Variants in UBE2D2 observed in about 807,000 individuals in gnomAD.
UBE2D2 encodes the protein ubiquitin conjugating enzyme E2 D2, also known as ubiquitin-conjugating enzyme E2 D2.
A neutral mutation model predicts 24.2 loss-of-function variants in UBE2D2; 2 were observed. The observed-to-expected ratio is 0.08, with a 90% confidence interval of 0.03 to 0.26. UBE2D2 has a LOEUF of 0.26. Among genes scored for constraint, UBE2D2 ranks in the 10% least tolerant of loss-of-function variants. The pLI, the probability that UBE2D2 is intolerant of heterozygous loss-of-function variation, is 1.00. For synonymous variants in UBE2D2, 58 were observed against 56.5 expected (o/e 1.03, Z -0.12); for missense variants, 44 against 177.6 (o/e 0.25, Z 4.28).
intron 1 of UBE2D2, among the ~76,000 whole-genome samples, chr5:139,535,552 C>T (rs920820814): frequency 6.6e-6 from 1 of 152,014 alleles, no homozygotes; most frequent in Non-Finnish European, 1.5e-5. Context: ...TTGCTTGAAC[C>T]CAGGAGGCAG....
rs1350037613 is a variant in UBE2D2, at chr5:139,627,869, G to A, written c.*1068G>A. ...AGTAATTTTATTGAACAAGTTAGAGGCATAAGCTTAAGAGCATTTCCATGA... is the reference window on the plus strand; with the variant it reads ...AGTAATTTTATTGAACAAGTTAGAGACATAAGCTTAAGAGCATTTCCATGA... On this transcript the variant is annotated 3_prime_UTR_variant, in exon 7 of 7. Coordinates refer to ENST00000398733, the MANE Select transcript of UBE2D2 (RefSeq NM_003339.3). The A allele has an allele frequency of 2.0e-5, 3 of 152,592 alleles. No homozygotes were observed. Among genetic ancestry groups the A allele is most frequent in the Admixed American group, 1.3e-4 (2 of 15,268 alleles). 9.5% of individuals were successfully genotyped at this position (152,592 alleles called of 1,614,324 possible).
chr5:139,592,205 A>G (rs1561513777), intron 1 of UBE2D2, among the ~76,000 whole-genome samples: 1 of 152,148 alleles, frequency 6.6e-6, no homozygotes, highest in Non-Finnish European at 1.5e-5. Flanking sequence ...CTGTCTTACA[A>G]AAAAAGAAAA....
chr5:139,595,613 G>T (rs1490332958), intron 1 of UBE2D2, among the ~76,000 whole-genome samples: 1 of 151,168 alleles, frequency 6.6e-6, no homozygotes, highest in Non-Finnish European at 1.5e-5. Flanking sequence ...CCTGACCTCA[G>T]GTGAGCCACT....
intron 1 of UBE2D2, among the ~76,000 whole-genome samples, chr5:139,572,070 C>A (rs1302045261): frequency 6.6e-6 from 1 of 152,162 alleles, no homozygotes; most frequent in African/African-American, 2.4e-5. Flanking sequence ...TGTTCTGGAA[C>A]TATTTAGTAA....
At chr5:139,543,270 G>C (rs1752781613) in intron 1 of UBE2D2, among the ~76,000 whole-genome samples, 1 of 152,136 alleles carries the variant, frequency 6.6e-6, no homozygotes, top group African/African-American at 2.4e-5. Context: ...AACTTTGTGT[G>C]ACACCCCTCC....
chr5:139,619,934 G>C (rs1272591671), intron 5 of UBE2D2, among the ~76,000 whole-genome samples: 1 of 152,182 alleles, frequency 6.6e-6, no homozygotes, highest in Non-Finnish European at 1.5e-5. Context: ...ATCTGCTTCT[G>C]CGGAGTCCTC....
chr5:139,620,038 A>T (rs1344686761), intron 5 of UBE2D2, among the ~76,000 whole-genome samples: 1 of 152,100 alleles, frequency 6.6e-6, no homozygotes, highest in East Asian at 1.9e-4. Flanking sequence ...GGTGCCACAC[A>T]CTGTTAAACA....
intron 1 of UBE2D2, among the ~76,000 whole-genome samples, chr5:139,571,622 A>G (rs953849851): frequency 6.6e-6 from 1 of 152,076 alleles, no homozygotes; most frequent in Admixed American, 6.6e-5. Flanking sequence ...CTGTAGAGCT[A>G]TTGTGTCTCC....
At chr5:139,600,845 C>T (rs537945809) in intron 2 of UBE2D2, among the ~76,000 whole-genome samples, 16 of 152,274 alleles carry the variant, frequency 1.1e-4, no homozygotes, top group Middle Eastern at 3.4e-3. Flanking sequence ...CTGTCAAGCC[C>T]GGGCTGGAGT....
chr5:139,547,436 A>G (rs933643940), intron 1 of UBE2D2, among the ~76,000 whole-genome samples: 1 of 152,042 alleles, frequency 6.6e-6, no homozygotes, highest in Non-Finnish European at 1.5e-5. Context: ...GGATGGTCTC[A>G]ATCTCTTGAC....
intron 1 of UBE2D2, among the ~76,000 whole-genome samples, chr5:139,534,084 A>T (rs941888036): frequency 2.0e-5 from 3 of 151,386 alleles, no homozygotes; most frequent in Non-Finnish European, 4.4e-5. Flanking sequence ...CCTGGCAAAA[A>T]AAACATTTTT....
chr5:139,609,858 G>A lies in UBE2D2; in HGVS notation c.89-4728G>A, dbSNP rs1381663474. 3.3e-5 allele frequency among the ~76,000 whole-genome samples: 5 copies of A among 149,536 alleles called. No individual in the cohort carries two copies. In the East Asian group the frequency reaches 9.9e-4, roughly 30 times the overall value. On this transcript the variant is annotated intron_variant, in intron 2 of 6. Transcript: ENST00000398733. ...ACGATCTCAGCTCACTGCAACCTCC[G>A]CCTCCTGGGTTCAAGCGATTCTCCT... is the stretch of plus-strand genomic sequence containing the variant.
chr5:139,551,963 G>C (rs1752925052), intron 1 of UBE2D2, among the ~76,000 whole-genome samples: 1 of 152,122 alleles, frequency 6.6e-6, no homozygotes, highest in Non-Finnish European at 1.5e-5. Context: ...AATAAATGCT[G>C]GTAAGCAGAA....
At chr5:139,527,059 G>GT (rs1752549772) in intron 1 of UBE2D2, among the ~76,000 whole-genome samples, 1 of 152,002 alleles carries the variant, frequency 6.6e-6, no homozygotes, top group South Asian at 2.1e-4. Flanking sequence ...TGGGAACTAT[G>GT]TTAAAAAAAA....
intron 6 of UBE2D2, among the ~76,000 whole-genome samples, chr5:139,625,265 C>T (rs1173542358): frequency 2.7e-5 from 4 of 150,362 alleles, no homozygotes; most frequent in Admixed American, 2.7e-4. Context: ...GCCACTACAC[C>T]TGGCTAATTT....
At chr5:139,551,363 G>A (rs1021948236) in intron 1 of UBE2D2, among the ~76,000 whole-genome samples, 13 of 151,976 alleles carry the variant, frequency 8.6e-5, no homozygotes, top group African/African-American at 1.9e-4. Flanking sequence ...GAAAAAAAAA[G>A]AATATTTCTC....
chr5:139,593,200 T>C (rs1753882896), intron 1 of UBE2D2, among the ~76,000 whole-genome samples: 1 of 150,654 alleles, frequency 6.6e-6, no homozygotes, highest in South Asian at 2.1e-4. Context: ...TTCACCACGT[T>C]GGGCAGGCTG....
chr5:139,551,520 G>A (rs1371717158), intron 1 of UBE2D2, among the ~76,000 whole-genome samples: 1 of 152,062 alleles, frequency 6.6e-6, no homozygotes, highest in Non-Finnish European at 1.5e-5. Flanking sequence ...GTGTTTTAAG[G>A]GAGCTACTGT....
At chr5:139,622,116 A>G (rs1754522714) in intron 5 of UBE2D2, among the ~76,000 whole-genome samples, 1 of 151,624 alleles carries the variant, frequency 6.6e-6, no homozygotes, top group African/African-American at 2.4e-5. Flanking sequence ...AGTCATATCA[A>G]CTCTTCTTAC....
Sources: gnomAD v4.1 joint callset for allele counts (sites outside exome capture counted in the v4.1 genomes callset) on GRCh38, gnomAD v4.1.1 for gene constraint, MANE v1.5 for transcripts, NCBI Gene and HGNC (gene_info 2026-07-23, HGNC 2026-07-21) for gene names.